The following GALNT13 variants were observed in gnomAD, a reference collection of about 807,000 sequenced individuals.
GALNT13 encodes polypeptide N-acetylgalactosaminyltransferase 13.
GALNT13 carries 28 observed loss-of-function variants against 64.2 expected under a neutral mutation model. The observed-to-expected ratio is 0.44, with a 90% CI of 0.32 to 0.60. GALNT13 has a LOEUF of 0.60. GALNT13 is among the 20% of genes least tolerant of loss of function. The pLI is 0.05. For synonymous variants in GALNT13, 214 were observed against 224.6 expected, an observed-to-expected ratio of 0.95 and a Z score of 0.42; for missense variants, 577 against 669.8, an observed-to-expected ratio of 0.86 and a Z score of 1.53.
At position 153,887,773 on chromosome 2, in the gene GALNT13, G is replaced by C. The variant is rs557254803; in HGVS notation, c.-176-13163G>C. Among the ~76,000 whole-genome samples, 12 of 152,048 alleles carry C rather than the reference G, an allele frequency of 7.9e-5. No homozygotes were observed. In the South Asian group the frequency reaches 2.5e-3, roughly 32 times the overall value. ...CCCCCTTAGTTATTTGATCTGCTTTGACTATGTTGTTTTTCTTGTGGAAGA... is the reference window on the plus strand; with the variant it reads ...CCCCCTTAGTTATTTGATCTGCTTTCACTATGTTGTTTTTCTTGTGGAAGA... On this transcript the variant is annotated intron_variant, in intron 1 of 12. Coordinates refer to ENST00000392825, the MANE Select transcript of GALNT13 (RefSeq NM_052917.4).
chr2:153,198,315 TGAG>T, the GALNT13 span, among the ~76,000 whole-genome samples: 3 of 152,142 alleles, frequency 2.0e-5, no homozygotes, highest in African/African-American at 7.2e-5. Context: ...CTGTGGGAGT[TGAG>T]GAACTCTTCC....
chr2:154,227,344 T>A (rs762079002), intron 4 of GALNT13, among the ~76,000 whole-genome samples: 1 of 151,120 alleles, frequency 6.6e-6, no homozygotes, highest in Non-Finnish European at 1.5e-5. Flanking sequence ...TTTTTTTTTA[T>A]TATACTTTAA....
chr2:153,888,705 C>A (rs1233695139), intron 1 of GALNT13, among the ~76,000 whole-genome samples: 1 of 151,958 alleles, frequency 6.6e-6, no homozygotes, highest in East Asian at 1.9e-4. Context: ...GTACTAACTC[C>A]TGCCAATTCT....
chr2:153,592,322 A>G, the GALNT13 span, among the ~76,000 whole-genome samples: 1 of 152,194 alleles, frequency 6.6e-6, no homozygotes, highest in Admixed American at 6.6e-5. Flanking sequence ...CAATCCAGCA[A>G]TTTCACTACT....
chr2:153,825,608 C>CTGTGTGTGTGTGTGTGTGTGTG, the GALNT13 span, among the ~76,000 whole-genome samples: 1 of 134,776 alleles, frequency 7.4e-6, no homozygotes, highest in African/African-American at 2.9e-5. Context: ...TCCATGAGTG[C>CTGTGTGTGTGTGTGTGTGTGTG]TGTGTGTGTG....
the GALNT13 span, among the ~76,000 whole-genome samples, chr2:153,257,197 T>C: frequency 6.6e-6 from 1 of 152,172 alleles, no homozygotes; most frequent in African/African-American, 2.4e-5. Context: ...AGTATTCGGG[T>C]GGGAGTGACC....
chr2:153,489,355 C>G, the GALNT13 span, among the ~76,000 whole-genome samples: 2 of 151,846 alleles, frequency 1.3e-5, no homozygotes, highest in Non-Finnish European at 2.9e-5. Context: ...TATATATTAC[C>G]CAGTCTGTGG....
intron 1 of GALNT13, among the ~76,000 whole-genome samples, chr2:153,879,122 T>C (rs890520479): frequency 1.3e-5 from 2 of 152,184 alleles, no homozygotes; most frequent in Non-Finnish European, 2.9e-5. Context: ...GTATATCACT[T>C]AACAGATTTA....
chr2:154,001,842 T>C (rs929983919), intron 3 of GALNT13, among the ~76,000 whole-genome samples: 1 of 152,084 alleles, frequency 6.6e-6, no homozygotes, highest in Non-Finnish European at 1.5e-5. Context: ...ATTCAAAGAC[T>C]TGTCTGTTAG....
chr2:153,256,073 G>A, the GALNT13 span, among the ~76,000 whole-genome samples: 7 of 152,072 alleles, frequency 4.6e-5, no homozygotes, highest in South Asian at 2.1e-4. Flanking sequence ...TTCCAACTTG[G>A]TTCCATTCTC....
At chr2:153,139,594 A>G in the GALNT13 span, among the ~76,000 whole-genome samples, 257 of 152,074 alleles carry the variant, frequency 1.7e-3, no homozygotes, top group Non-Finnish European at 1.8e-3. Flanking sequence ...ACAGATGGAG[A>G]TGGGTAAGAA....
At chr2:153,172,900 G>A in the GALNT13 span, among the ~76,000 whole-genome samples, 4 of 152,086 alleles carry the variant, frequency 2.6e-5, no homozygotes, top group African/African-American at 9.7e-5. Context: ...TTTGCAGGCA[G>A]TCCTTGGTTT....
At chr2:153,759,585 C>T in the GALNT13 span, among the ~76,000 whole-genome samples, 12 of 152,152 alleles carry the variant, frequency 7.9e-5, no homozygotes, top group East Asian at 1.5e-3. Flanking sequence ...GCCCTTCATT[C>T]TATTAATGAG....
chr2:153,411,398 A>G, the GALNT13 span, among the ~76,000 whole-genome samples: 1 of 152,142 alleles, frequency 6.6e-6, no homozygotes, highest in East Asian at 1.9e-4. Context: ...GTGGGACCAC[A>G]CAGGAATGGT....
At chr2:153,830,233 T>C in the GALNT13 span, among the ~76,000 whole-genome samples, 1 of 152,174 alleles carries the variant, frequency 6.6e-6, no homozygotes, top group Non-Finnish European at 1.5e-5. Flanking sequence ...TAATATTTCA[T>C]CACATGGCAC....
intron 3 of GALNT13, among the ~76,000 whole-genome samples, chr2:153,947,349 A>G (rs1297575373): frequency 6.6e-6 from 1 of 151,846 alleles, no homozygotes; most frequent in Non-Finnish European, 1.5e-5. Flanking sequence ...GTGTGCGTGT[A>G]ATCATGTGCC....
At chr2:153,836,775 G>A in the GALNT13 span, among the ~76,000 whole-genome samples, 1 of 150,568 alleles carries the variant, frequency 6.6e-6, no homozygotes, top group Admixed American at 6.7e-5. Context: ...TTTTGTCCTT[G>A]CGATAGTTTA....
intron 9 of GALNT13, among the ~76,000 whole-genome samples, chr2:154,330,822 C>T (rs1027192209): frequency 6.6e-6 from 1 of 152,112 alleles, no homozygotes; most frequent in Non-Finnish European, 1.5e-5. Context: ...GAATAATGTT[C>T]TAAATTTAAA....
chr2:153,679,319 G>T, the GALNT13 span, among the ~76,000 whole-genome samples: 2 of 151,908 alleles, frequency 1.3e-5, no homozygotes, highest in African/African-American at 4.8e-5. Context: ...ATGTTTCTCT[G>T]ATCAAACCAT....
Sources: allele counts gnomAD v4.1 joint callset (sites outside exome capture counted in the v4.1 genomes callset), GRCh38; gene constraint gnomAD v4.1.1; transcripts MANE v1.5; gene names NCBI Gene and HGNC (gene_info 2026-07-23, HGNC 2026-07-21).